KSR2: variants seen among roughly 807,000 people sequenced by gnomAD.
KSR2 encodes kinase suppressor of ras 2.
In KSR2, 25 loss-of-function variants were observed where a neutral mutation model predicts 107.8. The ratio of observed to expected loss-of-function variants is 0.23; its 90% CI spans 0.17 to 0.32. The LOEUF (loss-of-function observed/expected upper bound fraction) is 0.32, where lower values mean the gene tolerates loss of function less well. KSR2 is among the 10% of genes least tolerant of loss of function. The probability of loss-of-function intolerance (pLI) is 1.00; values close to 1 mark genes in which losing one functional copy is unlikely to be tolerated. For missense variants in KSR2, 887 were observed against 1,268.9 expected, an observed-to-expected ratio of 0.70 and a Z score of 4.57; for synonymous variants, 480 against 507.0, an observed-to-expected ratio of 0.95 and a Z score of 0.71.
intron 10 of KSR2, 103 bp from the exon 11 acceptor site, chr12:117,531,810 C>T (rs1241098126): frequency 2.6e-6 from 2 of 766,968 alleles, no homozygotes; most frequent in East Asian, 2.9e-5. Context: ...TCTCTGCCCA[C>T]CTTCAAGAGT....
At chr12:117,663,648 G>A (rs1248810918) in intron 5 of KSR2, among the ~76,000 whole-genome samples, 1 of 152,224 alleles carries the variant, frequency 6.6e-6, no homozygotes, top group East Asian at 1.9e-4. Context: ...AAGAGGTTAA[G>A]TAATTTGTCC....
intron 1 of KSR2, among the ~76,000 whole-genome samples, chr12:117,898,103 C>G (rs533481784): frequency 6.6e-6 from 1 of 152,244 alleles, no homozygotes; most frequent in Admixed American, 6.5e-5. Context: ...CAACCAGTTA[C>G]CCATCTTGAG....
At chr12:117,800,310 G>C (rs1890786584) in intron 3 of KSR2, among the ~76,000 whole-genome samples, 1 of 152,122 alleles carries the variant, frequency 6.6e-6, no homozygotes, top group Admixed American at 6.5e-5. Flanking sequence ...GTCCTGGGGG[G>C]TCTCTGTGGC....
intron 3 of KSR2, among the ~76,000 whole-genome samples, chr12:117,848,769 G>A (rs1003207262): frequency 2.0e-5 from 2 of 98,722 alleles, no homozygotes; most frequent in Admixed American, 1.1e-4. Context: ...CGATGATGGT[G>A]GTAATGATGG....
intron 5 of KSR2, among the ~76,000 whole-genome samples, chr12:117,610,101 T>G (rs897661633): frequency 3.3e-5 from 5 of 152,166 alleles, no homozygotes; most frequent in African/African-American, 1.2e-4. Flanking sequence ...TTTTTATATT[T>G]TTTTCTGAGT....
Position 117,795,564 on chromosome 12 carries a change from A to C in KSR2, c.473-34040T>G, listed in dbSNP as rs146174221. On this transcript the variant is annotated intron_variant, in intron 3 of 19. Transcript: ENST00000339824. ...ATGACATTTGCCTCCAAGATGCAGG[A>C]AAGAGGTTGCGACAGCTTCCTGGCA... Among the ~76,000 whole-genome samples, 12 of 152,298 alleles carry C rather than the reference A, an allele frequency of 7.9e-5. No homozygotes were observed. In the East Asian group the frequency reaches 1.5e-3, roughly 20 times the overall value.
Position 117,558,654 on chromosome 12 carries a change from G to A in KSR2, c.1326-81C>T, listed in dbSNP as rs1592991900. 2.0e-5 allele frequency: 18 copies of A among 887,738 alleles called. No homozygotes were observed. The East Asian group carries it at 3.6e-4, about 18-fold the overall frequency. The allele number at this position is 887,738 out of a possible 1,614,324, so 55.0% of individuals were successfully genotyped here. A position where few individuals can be genotyped will look rare whatever the true frequency, so the allele number is the denominator to read the frequency against. ...AGGTGGGTGGGTGGATGAATGGATGGATGGGTGGATGGGTGGATGAATGGA... is the reference window on the plus strand; with the variant it reads ...AGGTGGGTGGGTGGATGAATGGATGAATGGGTGGATGGGTGGATGAATGGA... On this transcript the variant is annotated intron_variant, in intron 7 of 19. Transcript: ENST00000339824.
intron 5 of KSR2, among the ~76,000 whole-genome samples, chr12:117,664,982 A>C (rs1884599463): frequency 6.6e-6 from 1 of 152,124 alleles, no homozygotes; most frequent in South Asian, 2.1e-4. Flanking sequence ...TGCCTGCCCC[A>C]CACCAGGCTG....
chr12:117,952,984 C>A (rs1445487618), intron 1 of KSR2, among the ~76,000 whole-genome samples: 408 of 100,660 alleles, frequency 4.1e-3, no homozygotes, highest in South Asian at 5.4e-3. Context: ...GACTCCATCT[C>A]AAAAAAAAAA....
intron 4 of KSR2, among the ~76,000 whole-genome samples, chr12:117,737,287 A>C (rs1887982968): frequency 2.0e-5 from 3 of 152,232 alleles, no homozygotes; most frequent in Non-Finnish European, 4.4e-5. Context: ...TTTCACACTG[A>C]AAATCAGTGA....
At chr12:117,583,341 A>T (rs1879792052) in intron 5 of KSR2, among the ~76,000 whole-genome samples, 1 of 138,688 alleles carries the variant, frequency 7.2e-6, no homozygotes, top group South Asian at 2.5e-4. Context: ...GGATAGATAG[A>T]TGGATGGGTG....
Position 117,527,074 on chromosome 12 carries a change from C to T in KSR2, c.1848G>A (p.Ser616=), listed in dbSNP as rs372929914. 4.3e-5 allele frequency: 70 copies of T among 1,613,622 alleles called. No homozygotes were observed. The highest frequency in any genetic ancestry group is 6.6e-5 in the South Asian group (6 of 91,058). ...PLLQIEVEPT[S]ENEEVHDEAE... ...TTCACTGCTCTCTGATTCTCACCTC[C>T]GACGTTGGCTCCACTTCAATTTGAA... The change falls in exon 13 of 20, where the codon TCG becomes TCA. Residue 616 remains serine (S), a synonymous_variant. Transcript: ENST00000339824.
intron 7 of KSR2, among the ~76,000 whole-genome samples, chr12:117,564,112 G>C (rs958878598): frequency 6.6e-6 from 1 of 152,146 alleles, no homozygotes; most frequent in Admixed American, 6.5e-5. Context: ...GGTTCTCCAG[G>C]TGCTCCATTC....
At chr12:117,598,410 A>G (rs377702756) in intron 5 of KSR2, among the ~76,000 whole-genome samples, 1 of 152,098 alleles carries the variant, frequency 6.6e-6, no homozygotes, top group Non-Finnish European at 1.5e-5. Flanking sequence ...GCTTGGTTTT[A>G]TATTTTTGCA....
intron 5 of KSR2, among the ~76,000 whole-genome samples, chr12:117,643,362 G>A (rs907679912): frequency 2.6e-5 from 4 of 152,204 alleles, no homozygotes; most frequent in African/African-American, 9.6e-5. Flanking sequence ...CAGGAGAATC[G>A]CTTGAATCTG....
chr12:117,574,255 C>A (rs951321834), intron 7 of KSR2, among the ~76,000 whole-genome samples: 2 of 151,620 alleles, frequency 1.3e-5, no homozygotes, highest in Non-Finnish European at 2.9e-5. Context: ...AGTTTGAGAA[C>A]CATTATCTAG....
chr12:117,578,524 C>T (rs988723498), intron 7 of KSR2, among the ~76,000 whole-genome samples: 4 of 151,356 alleles, frequency 2.6e-5, no homozygotes, highest in African/African-American at 9.7e-5. Flanking sequence ...ATTGCTTGAA[C>T]CCAGGAAGTG....
At chr12:117,566,597 T>C (rs540933525) in intron 7 of KSR2, among the ~76,000 whole-genome samples, 16 of 152,196 alleles carry the variant, frequency 1.1e-4, no homozygotes, top group Non-Finnish European at 1.6e-4. Flanking sequence ...TAGTATTCCA[T>C]GTATACCCAT....
At chr12:117,557,679 T>C (rs1349382257) in intron 8 of KSR2, among the ~76,000 whole-genome samples, 2 of 152,186 alleles carry the variant, frequency 1.3e-5, no homozygotes, top group East Asian at 3.8e-4. Context: ...AGTAATTAAA[T>C]TTGTGTTTTT....
Sources: gnomAD v4.1 joint callset for allele counts (sites outside exome capture counted in the v4.1 genomes callset) on GRCh38, gnomAD v4.1.1 for gene constraint, MANE v1.5 for transcripts, NCBI Gene and HGNC (gene_info 2026-07-23, HGNC 2026-07-21) for gene names.